The following SAE1 variants were observed in gnomAD, a reference collection of about 807,000 sequenced individuals.
SAE1 encodes SUMO1 activating enzyme subunit 1, also known as SUMO-activating enzyme subunit 1.
In SAE1, 11 loss-of-function variants were observed where a neutral mutation model predicts 40.6. The observed-to-expected ratio is 0.27, with a 90% CI of 0.17 to 0.45. The LOEUF (loss-of-function observed/expected upper bound fraction) is 0.45. Among genes scored for constraint, SAE1 ranks in the 20% least tolerant of loss-of-function variants. SAE1 has a pLI of 1.00. For synonymous variants in SAE1, 155 were observed against 154.3 expected, an observed-to-expected ratio of 1.00 and a Z score of -0.03; for missense variants, 373 against 427.3, an observed-to-expected ratio of 0.87 and a Z score of 1.12.
At chr19:47,164,208 G>A (rs545771605) in intron 5 of SAE1, among the ~76,000 whole-genome samples, 75 of 151,664 alleles carry the variant, frequency 4.9e-4, no homozygotes, top group African/African-American at 1.7e-3. Context: ...TCGATCTGTC[G>A]CCCAGGCTGG....
At chr19:47,174,299 CTTT>C (rs766044817) in intron 6 of SAE1, among the ~76,000 whole-genome samples, 19 of 130,216 alleles carry the variant, frequency 1.5e-4, no homozygotes, top group Non-Finnish European at 1.7e-4. Context: ...TTTTCTTTTT[CTTT>C]TTTTTTTTTT....
intron 1 of SAE1, among the ~76,000 whole-genome samples, chr19:47,136,496 T>A (rs2058181065): frequency 4.2e-4 from 3 of 7,112 alleles, no homozygotes; most frequent in African/African-American, 1.2e-3. Context: ...ACCCGAGTCT[T>A]TTTTTTTTTT....
intron 6 of SAE1, among the ~76,000 whole-genome samples, chr19:47,194,373 C>T (rs1192352332): frequency 6.6e-6 from 1 of 152,166 alleles, no homozygotes; most frequent in Non-Finnish European, 1.5e-5. Flanking sequence ...CTCACAGCAA[C>T]TTGAATTTAC....
At chr19:47,160,428 T>C (rs1342647831) in intron 5 of SAE1, among the ~76,000 whole-genome samples, 1 of 137,406 alleles carries the variant, frequency 7.3e-6, no homozygotes, top group African/African-American at 2.7e-5. Context: ...GGACTCTCGC[T>C]CTGTCGCCCA....
chr19:47,151,402 C>T (rs2058286950), intron 3 of SAE1, among the ~76,000 whole-genome samples: 2 of 152,222 alleles, frequency 1.3e-5, no homozygotes, highest in East Asian at 1.9e-4. Context: ...CCACCTGCCT[C>T]GGCCTCCCAA....
chr19:47,141,184 TAG>T (rs2058219563), intron 1 of SAE1, among the ~76,000 whole-genome samples: 1 of 152,162 alleles, frequency 6.6e-6, no homozygotes, highest in Non-Finnish European at 1.5e-5. Flanking sequence ...GTATTTTCTG[TAG>T]AGACACGGTT....
Position 47,209,232 on chromosome 19 carries a change from A to G in SAE1, c.1022A>G (p.Glu341Gly). ...FDGMKGNGIV[E>G]CLGPK ...GGCATGAAGGGGAATGGGATTGTGG[A>G]GTGCCTTGGCCCCAAGTGAACTCAA... The change falls in exon 9 of 9, where the codon GAG (glutamate) becomes GGG (glycine). Residue 341 changes from glutamate (E) to glycine (G), a missense_variant. Physicochemically the swap from Glu to Gly is moderately conservative, Grantham distance 98. Around this residue, in one of 3 missense-constraint regions of SAE1, gnomAD observed 351 missense variants for 390.6 expected, o/e 0.90. Transcript: ENST00000270225. 1.9e-6 allele frequency: 3 copies of G among 1,614,040 alleles called. No homozygotes were observed. The highest frequency in any genetic ancestry group is 2.5e-6 in the Non-Finnish European group (3 of 1,179,996).
At chr19:47,197,817 A>G (rs1429528894) in intron 7 of SAE1, among the ~76,000 whole-genome samples, 1 of 152,162 alleles carries the variant, frequency 6.6e-6, no homozygotes, top group Admixed American at 6.5e-5. Context: ...ACTGCGTAAC[A>G]CTGCAGTGTG....
At chr19:47,199,302 G>A (rs2058637007) in intron 7 of SAE1, among the ~76,000 whole-genome samples, 1 of 149,092 alleles carries the variant, frequency 6.7e-6, no homozygotes, top group East Asian at 2.0e-4. Context: ...GGAGAATGGC[G>A]TGAACCCGGG....
intron 6 of SAE1, among the ~76,000 whole-genome samples, chr19:47,187,239 A>C (rs2058549867): frequency 6.6e-6 from 1 of 152,156 alleles, no homozygotes; most frequent in South Asian, 2.1e-4. Flanking sequence ...CTCCTCCCCC[A>C]GCCCAGCTAT....
At chr19:47,131,498 A>T (rs991183298) in intron 1 of SAE1, among the ~76,000 whole-genome samples, 4 of 152,014 alleles carry the variant, frequency 2.6e-5, no homozygotes, top group African/African-American at 9.7e-5. Flanking sequence ...GTGGGAGCTC[A>T]CGGGCGGGCC....
At position 47,199,415 on chromosome 19, in the gene SAE1, G is replaced by A. The variant is rs180813395; in HGVS notation, c.878+2038G>A. On this transcript the variant is annotated intron_variant, in intron 7 of 8. Coordinates refer to ENST00000270225, the MANE Select transcript of SAE1 (RefSeq NM_005500.3). Reference sequence around the variant, plus strand: ...CAAAAAAAAAAAAAAAAAAAAAAAGGCAGCAATAGAGTGGCAGTGCCTGAG... The same window carrying A: ...CAAAAAAAAAAAAAAAAAAAAAAAGACAGCAATAGAGTGGCAGTGCCTGAG... Among the ~76,000 whole-genome samples, 476 of 144,596 alleles carry A rather than the reference G, an allele frequency of 3.3e-3. 3 individuals are homozygous for A. The highest frequency in any genetic ancestry group is 0.01 in the African/African-American group (399 of 39,066). 94.9% of individuals were successfully genotyped at this position (144,596 alleles called of 152,430 possible).
At chr19:47,170,908 C>T (rs1265167819) in intron 6 of SAE1, among the ~76,000 whole-genome samples, 1 of 152,164 alleles carries the variant, frequency 6.6e-6, no homozygotes, top group Admixed American at 6.6e-5. Context: ...ATCAGTCCAT[C>T]TTTGCTGGTG....
intron 1 of SAE1, among the ~76,000 whole-genome samples, chr19:47,132,771 C>T (rs368370800): frequency 6.3e-4 from 96 of 151,694 alleles, no homozygotes; most frequent in African/African-American, 2.1e-3. Context: ...GTTTATAGTC[C>T]CAGCTTGTCA....
At chr19:47,164,554 T>C (rs938083218) in intron 5 of SAE1, among the ~76,000 whole-genome samples, 1 of 151,818 alleles carries the variant, frequency 6.6e-6, no homozygotes, top group African/African-American at 2.4e-5. Flanking sequence ...TGTATTGAGG[T>C]TATTGAGGTT....
In SAE1 at chr19:47,152,791, G is replaced by A. The variant is rs1471840809; in HGVS notation, c.385-107G>A. Reference sequence around the variant, plus strand: ...AACCTGTTGTACCAGTTTGAAACATGCTTTGAGCATGCCCAGAGAGACTGT... The same window carrying A: ...AACCTGTTGTACCAGTTTGAAACATACTTTGAGCATGCCCAGAGAGACTGT... On this transcript the variant is annotated intron_variant, in intron 3 of 8. Transcript: ENST00000270225. The A allele has an allele frequency of 3.6e-6, 4 of 1,098,114 alleles. No homozygotes were observed. The South Asian group carries it at 6.6e-5, about 18-fold the overall frequency. 68.0% of individuals were successfully genotyped at this position (1,098,114 alleles called of 1,614,324 possible).
chr19:47,202,867 G>A lies in SAE1; in HGVS notation c.879-804G>A, dbSNP rs1025163301. ...GGAGCTTGCAGTAAGCCAAGATCGC[G>A]CCACTGCACTCCAGCCTGGGTGACA... is the stretch of plus-strand genomic sequence containing the variant. On this transcript the variant is annotated intron_variant, in intron 7 of 8. Transcript: ENST00000270225. Among the ~76,000 whole-genome samples, 4 of 152,056 alleles carry A rather than the reference G, an allele frequency of 2.6e-5. No homozygotes were observed. In the East Asian group the frequency reaches 7.8e-4, roughly 30 times the overall value.
chr19:47,188,934 CCT>C (rs2058561380), intron 6 of SAE1, among the ~76,000 whole-genome samples: 1 of 152,194 alleles, frequency 6.6e-6, no homozygotes, highest in Admixed American at 6.5e-5. Context: ...ATTGCACCCC[CCT>C]GAGGCTCTCT....
rs1379533299 is a variant in SAE1, at chr19:47,140,098, C to T, written c.99-3396C>T. Among the ~76,000 whole-genome samples, 11 of 150,966 alleles carry T rather than the reference C, an allele frequency of 7.3e-5. 1 individual carries two copies. Among genetic ancestry groups the T allele is most frequent in the South Asian group, 6.3e-4 (3 of 4,780 alleles). ...GATTACAGGCGCCTGCCACCACTCC[C>T]GGCTAATTTTTTTTTTTTTTCTTTT... On this transcript the variant is annotated intron_variant, in intron 1 of 8. Coordinates refer to ENST00000270225, the MANE Select transcript of SAE1 (RefSeq NM_005500.3).
Sources: gnomAD v4.1 joint callset for allele counts (sites outside exome capture counted in the v4.1 genomes callset) on GRCh38, gnomAD v4.1.1 for gene constraint, gnomAD v4.1.1 regional missense constraint, MANE v1.5 for transcripts, NCBI Gene and HGNC (gene_info 2026-07-23, HGNC 2026-07-21) for gene names.